The following DNAH9 variants were observed in gnomAD, a reference collection of about 807,000 sequenced individuals.
DNAH9 encodes the protein dynein axonemal heavy chain 9, also known as DNAH9 variant protein.
Under a neutral mutation model 471.6 loss-of-function variants are expected in DNAH9, and 345 were observed. The ratio of observed to expected loss-of-function variants is 0.73; its 90% CI spans 0.67 to 0.80. The LOEUF is 0.80. Ranked by LOEUF, DNAH9 falls within the 30% of genes least tolerant of loss-of-function variation. The pLI is 0.00. For synonymous variants in DNAH9, 2,093 were observed against 2,123.6 expected (o/e 0.99, Z 0.40); for missense variants, 5,407 against 5,609.2 (o/e 0.96, Z 1.15).
intron 50 of DNAH9, among the ~76,000 whole-genome samples, chr17:11,859,547 C>T (rs1971765184): frequency 6.6e-6 from 1 of 152,120 alleles, no homozygotes; most frequent in African/African-American, 2.4e-5. Context: ...TCTATTCTTG[C>T]ATTACTGTAA....
chr17:11,877,507 A>C (rs1171438434), intron 53 of DNAH9, among the ~76,000 whole-genome samples: 1 of 144,312 alleles, frequency 6.9e-6, no homozygotes, highest in Non-Finnish European at 1.5e-5. Context: ...AAAAAAAGTA[A>C]TGGTGGCAGT....
chr17:11,648,294 A>G (rs548392722), intron 12 of DNAH9, among the ~76,000 whole-genome samples: 2 of 152,342 alleles, frequency 1.3e-5, no homozygotes, highest in African/African-American at 4.8e-5. Flanking sequence ...TCTGCAATCA[A>G]AGTCAACAAG....
intron 1 of DNAH9, among the ~76,000 whole-genome samples, chr17:11,600,039 G>A (rs957984091): frequency 6.6e-6 from 1 of 152,156 alleles, no homozygotes; most frequent in African/African-American, 2.4e-5. Context: ...TGTATCAGGA[G>A]GCTGTGGGGA....
At position 11,705,116 on chromosome 17, in the gene DNAH9, C is replaced by T. The variant is rs1428706801; in HGVS notation, c.5483C>T (p.Ala1828Val). 4.3e-6 allele frequency: 7 copies of T among 1,613,992 alleles called. No individual in the cohort carries two copies. Among genetic ancestry groups the T allele is most frequent in the Admixed American group, 1.7e-5 (1 of 60,006 alleles). ...VKHCFANICD[A>V]QFLYSYEYLG... ...CACTGCTTTGCCAACATCTGTGATG[C>T]CCAGTTTTTGTATTCCTATGAGTAC... The change falls in exon 26 of 69, where the codon GCC becomes GTC. Residue 1828 changes from alanine to valine, a missense_variant. Around this residue, in one of 3 missense-constraint regions of DNAH9, gnomAD observed 4,636 missense variants for 4,900.3 expected, o/e 0.95. Transcript: ENST00000262442.
chr17:11,734,817 CT>C (rs1374776483), intron 28 of DNAH9, among the ~76,000 whole-genome samples: 8 of 152,236 alleles, frequency 5.3e-5, no homozygotes, highest in African/African-American at 1.9e-4. Context: ...CCGAAGTTAT[CT>C]ACATCTTTGA....
At chr17:11,694,726 CTT>C (rs746373565) in intron 22 of DNAH9, among the ~76,000 whole-genome samples, 68 of 4,264 alleles carry the variant, frequency 0.016, 29 homozygotes, top group East Asian at 0.15. Context: ...CTCTCTCTCT[CTT>C]TCTCTTTCTT....
intron 5 of DNAH9, 60 bp downstream of exon 5, chr17:11,617,682 A>C: frequency 8.3e-7 from 1 of 1,207,510 alleles, no homozygotes; most frequent in South Asian, 1.2e-5. Context: ...ATCTAGTCAC[A>C]GGAGAGAAGA....
chr17:11,787,462 C>T (rs1476842157), intron 41 of DNAH9, among the ~76,000 whole-genome samples: 1 of 152,222 alleles, frequency 6.6e-6, no homozygotes. Context: ...CTCCCTTCCT[C>T]CTTGAGTCTG....
In DNAH9 at chr17:11,757,740, G is replaced by A. The variant is rs147141103; in HGVS notation, c.6995+48G>A. ...TAGAGAGTTAAAGCAGCAATAAAAA[G>A]CCCATGGGTTCACACCTAGTGTCCT... On this transcript the variant is annotated intron_variant, in intron 35 of 68. Transcript: ENST00000262442. The A allele has an allele frequency of 1.6e-5, 25 of 1,595,696 alleles. No homozygotes were observed. In the East Asian group the frequency reaches 5.6e-4, roughly 36 times the overall value.
intron 58 of DNAH9, among the ~76,000 whole-genome samples, chr17:11,893,675 T>C (rs1200693597): frequency 6.6e-6 from 1 of 151,570 alleles, no homozygotes; most frequent in Non-Finnish European, 1.5e-5. Flanking sequence ...TGAGAACACA[T>C]GGACACAGGG....
intron 68 of DNAH9, among the ~76,000 whole-genome samples, chr17:11,966,106 A>G (rs1457921518): frequency 6.6e-6 from 1 of 152,214 alleles, no homozygotes; most frequent in Non-Finnish European, 1.5e-5. Flanking sequence ...ATTAATTTAC[A>G]TGTCCAAGAA....
chr17:11,605,874 A>C (rs2072493974), intron 1 of DNAH9, among the ~76,000 whole-genome samples: 1 of 151,838 alleles, frequency 6.6e-6, no homozygotes, highest in Non-Finnish European at 1.5e-5. Flanking sequence ...TAAAACCCCC[A>C]CTCAAAACTA....
At chr17:11,700,014 C>A (rs1160273654) in intron 23 of DNAH9, 131 bp downstream of exon 23, 3 of 873,110 alleles carry the variant, frequency 3.4e-6, no homozygotes, top group African/African-American at 3.4e-5. Flanking sequence ...CCTCCAAGAG[C>A]CAGCTTCTTT....
chr17:11,749,442 A>G (rs1366375920), intron 32 of DNAH9, among the ~76,000 whole-genome samples: 1 of 151,962 alleles, frequency 6.6e-6, no homozygotes, highest in Non-Finnish European at 1.5e-5. Context: ...ATGCATTGCT[A>G]ATGCTTCCCC....
chr17:11,715,753 T>C lies in DNAH9; in HGVS notation c.5553-3581T>C, dbSNP rs566201940. ...AATGCAATGTCATGGATCTTAAGGA[T>C]GCTTTTGTTTTTAAGGTACAAAGAA... On this transcript the variant is annotated intron_variant, in intron 26 of 68. Transcript: ENST00000262442. Among the ~76,000 whole-genome samples the C allele has an allele frequency of 1.1e-4, 17 of 152,314 alleles. No individual in the cohort carries two copies. The South Asian group carries it at 2.9e-3, about 26-fold the overall frequency.
chr17:11,936,635 C>T (rs557698476), intron 65 of DNAH9, among the ~76,000 whole-genome samples: 1 of 152,136 alleles, frequency 6.6e-6, no homozygotes, highest in East Asian at 1.9e-4. Context: ...GAGTGAGAGC[C>T]TGTCTCACAC....
At chr17:11,711,220 T>G (rs1181991168) in intron 26 of DNAH9, among the ~76,000 whole-genome samples, 1 of 151,770 alleles carries the variant, frequency 6.6e-6, no homozygotes, top group Non-Finnish European at 1.5e-5. Flanking sequence ...CTGAGCCTCG[T>G]CCCCCAGCCC....
intron 26 of DNAH9, among the ~76,000 whole-genome samples, chr17:11,715,632 G>A (rs993227569): frequency 3.3e-5 from 5 of 152,132 alleles, no homozygotes; most frequent in Non-Finnish European, 7.3e-5. Context: ...GGGACTCATC[G>A]GCCAGGATCT....
At chr17:11,627,364 T>C (rs16945095) in intron 6 of DNAH9, among the ~76,000 whole-genome samples, 5,015 of 152,330 alleles carry the variant, frequency 0.033, 287 homozygotes, top group African/African-American at 0.11. Context: ...AATTATCATC[T>C]GGGTTTCTGA....
Sources: allele counts gnomAD v4.1 joint callset (sites outside exome capture counted in the v4.1 genomes callset), GRCh38; gene constraint gnomAD v4.1.1; regional missense constraint gnomAD v4.1.1; transcripts MANE v1.5; gene names NCBI Gene and HGNC (gene_info 2026-07-23, HGNC 2026-07-21).